MGMT: variants seen among roughly 807,000 people sequenced by gnomAD.
The protein encoded by MGMT is methylated-DNA--protein-cysteine methyltransferase.
A neutral mutation model predicts 15.9 loss-of-function variants in MGMT; 14 were observed. The observed-to-expected ratio is 0.88, with a 90% CI of 0.58 to 1.37. The LOEUF (loss-of-function observed/expected upper bound fraction) is 1.37, where lower values mean the gene tolerates loss of function less well. Among genes scored for constraint, MGMT ranks in the 40% most tolerant of loss-of-function variants. The pLI, the probability that MGMT is intolerant of heterozygous loss-of-function variation, is 0.00. For synonymous variants in MGMT, 130 were observed against 118.2 expected, an observed-to-expected ratio of 1.10 and a Z score of -0.65; for missense variants, 282 against 268.1, an observed-to-expected ratio of 1.05 and a Z score of -0.36.
At chr10:129,503,508 A>G (rs1266779888) in intron 1 of MGMT, among the ~76,000 whole-genome samples, 1 of 152,216 alleles carries the variant, frequency 6.6e-6, no homozygotes, top group East Asian at 1.9e-4. Context: ...GTGTTGCAAT[A>G]AGGGAGGGAG....
chr10:129,599,590 T>TC (rs1564864554), intron 2 of MGMT, among the ~76,000 whole-genome samples: 1 of 152,024 alleles, frequency 6.6e-6, no homozygotes, highest in Non-Finnish European at 1.5e-5. Context: ...CCATTGTCCT[T>TC]CCCCCCTCAA....
intron 2 of MGMT, among the ~76,000 whole-genome samples, chr10:129,630,233 AGATGAAAGGGCCTGGCCACTCT>A (rs1847195028): frequency 6.6e-6 from 1 of 152,232 alleles, no homozygotes; most frequent in Non-Finnish European, 1.5e-5. Context: ...TTGTCCGTCC[AGATGAAAGGGCCTGGCCACTCT>A]GATTGCACTT....
At chr10:129,476,275 T>G (rs541729278) in intron 1 of MGMT, among the ~76,000 whole-genome samples, 38 of 152,316 alleles carry the variant, frequency 2.5e-4, no homozygotes, top group Middle Eastern at 3.4e-3. Flanking sequence ...CCTTGTCACA[T>G]TTTTTGGATT....
At chr10:129,524,669 G>A (rs1477041464) in intron 1 of MGMT, among the ~76,000 whole-genome samples, 1 of 132,356 alleles carries the variant, frequency 7.6e-6, no homozygotes, top group Non-Finnish European at 1.5e-5. Flanking sequence ...TCAGCTCACT[G>A]CAACCTCCGC....
intron 2 of MGMT, among the ~76,000 whole-genome samples, chr10:129,576,516 G>C (rs1010564345): frequency 6.6e-6 from 1 of 152,172 alleles, no homozygotes; most frequent in Admixed American, 6.5e-5. Context: ...CAATAAGTTA[G>C]GTATTGATGG....
intron 1 of MGMT, among the ~76,000 whole-genome samples, chr10:129,529,416 C>T (rs529671275): frequency 1.3e-5 from 2 of 152,198 alleles, no homozygotes; most frequent in African/African-American, 4.8e-5. Context: ...CAGCCTAGAT[C>T]CCTCCCATGC....
intron 1 of MGMT, among the ~76,000 whole-genome samples, chr10:129,517,641 G>C (rs12355286): frequency 0.2 from 29,747 of 152,198 alleles, 3,267 homozygotes; most frequent in Non-Finnish European, 0.25. Flanking sequence ...AAGGCTTCTT[G>C]AGGGTGGGGT....
intron 1 of MGMT, among the ~76,000 whole-genome samples, chr10:129,521,946 G>A (rs1434133267): frequency 2.0e-5 from 3 of 152,250 alleles, no homozygotes; most frequent in South Asian, 2.1e-4. Flanking sequence ...AGAAGGAAGC[G>A]TGCCGGTGCA....
At chr10:129,667,859 A>T (rs923181581) in intron 2 of MGMT, among the ~76,000 whole-genome samples, 1 of 152,144 alleles carries the variant, frequency 6.6e-6, no homozygotes, top group African/African-American at 2.4e-5. Context: ...ATGTGGTTGA[A>T]TATGTTTTTG....
At chr10:129,527,342 A>G (rs1381534005) in intron 1 of MGMT, among the ~76,000 whole-genome samples, 2 of 152,122 alleles carry the variant, frequency 1.3e-5, no homozygotes, top group African/African-American at 4.8e-5. Flanking sequence ...AGTCCTAAAC[A>G]TTTGGGTCTT....
intron 2 of MGMT, among the ~76,000 whole-genome samples, chr10:129,686,740 GCATAGGTGACAT>G (rs1431939780): frequency 6.6e-6 from 1 of 152,160 alleles, no homozygotes. Flanking sequence ...TAAATGCCTG[GCATAGGTGACAT>G]CATGCGAACA....
At chr10:129,647,855 T>TACTGAAAC (rs1421059975) in intron 2 of MGMT, among the ~76,000 whole-genome samples, 1 of 152,242 alleles carries the variant, frequency 6.6e-6, no homozygotes, top group Non-Finnish European at 1.5e-5. Context: ...TGCAGTGTTT[T>TACTGAAAC]ACTGAAAATG....
At chr10:129,738,659 G>A (rs1221908060) in intron 3 of MGMT, among the ~76,000 whole-genome samples, 5 of 152,248 alleles carry the variant, frequency 3.3e-5, no homozygotes, top group Admixed American at 1.3e-4. Context: ...GAATAGTGCC[G>A]CAGTAAACAT....
chr10:129,716,463 G>A (rs745624862), intron 3 of MGMT, among the ~76,000 whole-genome samples: 14 of 152,126 alleles, frequency 9.2e-5, no homozygotes, highest in Non-Finnish European at 1.8e-4. Context: ...ATTCCTTTCT[G>A]GATTGGGCTC....
At chr10:129,702,443 C>T (rs537436393) in intron 2 of MGMT, among the ~76,000 whole-genome samples, 1 of 152,286 alleles carries the variant, frequency 6.6e-6, no homozygotes, top group East Asian at 1.9e-4. Flanking sequence ...GTGGGTGACA[C>T]GTGATGTCCT....
intron 2 of MGMT, among the ~76,000 whole-genome samples, chr10:129,613,785 G>A (rs1190538531): frequency 6.6e-6 from 1 of 152,194 alleles, no homozygotes; most frequent in African/African-American, 2.4e-5. Context: ...GTCACGCAGT[G>A]TCATGAGACC....
chr10:129,724,084 C>T (rs540610236), intron 3 of MGMT, among the ~76,000 whole-genome samples: 1 of 152,312 alleles, frequency 6.6e-6, no homozygotes, highest in African/African-American at 2.4e-5. Flanking sequence ...TTCACAGCAG[C>T]TTTGCTTGCT....
intron 1 of MGMT, among the ~76,000 whole-genome samples, chr10:129,487,602 C>T (rs1431402564): frequency 6.6e-6 from 1 of 151,842 alleles, no homozygotes; most frequent in African/African-American, 2.4e-5. Flanking sequence ...TATATGTACA[C>T]ACACTATATA....
At chr10:129,646,739 TATATA>T (rs1564747219) in intron 2 of MGMT, among the ~76,000 whole-genome samples, 5 of 107,366 alleles carry the variant, frequency 4.7e-5, no homozygotes, top group Admixed American at 9.8e-5. Flanking sequence ...TATATATATA[TATATA>T]TATATATATA....
Sources: allele counts gnomAD v4.1 joint callset (sites outside exome capture counted in the v4.1 genomes callset), GRCh38; gene constraint gnomAD v4.1.1; transcripts MANE v1.5; gene names NCBI Gene and HGNC (gene_info 2026-07-23, HGNC 2026-07-21).